NEFM: variants seen among roughly 807,000 people sequenced by gnomAD.
NEFM encodes neurofilament medium chain.
A neutral mutation model predicts 48.1 loss-of-function variants in NEFM; 16 were observed. That is an observed-to-expected ratio of 0.33 (90% CI 0.23 to 0.51). The LOEUF (loss-of-function observed/expected upper bound fraction) is 0.51. Ranked by LOEUF, NEFM falls within the 20% of genes least tolerant of loss-of-function variation. The probability of loss-of-function intolerance (pLI) is 0.98; values close to 1 mark genes in which losing one functional copy is unlikely to be tolerated. For synonymous variants in NEFM, 465 were observed against 456.9 expected (o/e 1.02, Z -0.23); for missense variants, 1,107 against 1,136.0 (o/e 0.97, Z 0.37).
chr8:24,914,614 G>T lies in NEFM; in HGVS notation c.821G>T (p.Arg274Leu). The T allele has an allele frequency of 6.2e-7, 1 of 1,614,166 alleles. No homozygotes were observed. The highest frequency in any genetic ancestry group is 8.5e-7 in the Non-Finnish European group (1 of 1,180,038). ...TDISTALKEI[R>L]SQLESHSDQN... Reference sequence around the variant, plus strand: ...ATCTCGACGGCGCTGAAGGAAATCCGCTCCCAGCTCGAAAGCCACTCAGAC... The same window carrying T: ...ATCTCGACGGCGCTGAAGGAAATCCTCTCCCAGCTCGAAAGCCACTCAGAC... The change falls in exon 1 of 3, where the codon CGC (arginine) becomes CTC (leucine). Residue 274 changes from arginine to leucine, a missense_variant. Physicochemically the swap from Arg to Leu is moderately radical, Grantham distance 102. Coordinates refer to ENST00000221166, the MANE Select transcript of NEFM (RefSeq NM_005382.2).
At position 24,913,852 on chromosome 8, in the gene NEFM, C is replaced by T. The variant is rs1456620271; in HGVS notation, c.59C>T (p.Thr20Ile). The T allele has an allele frequency of 6.2e-7, 1 of 1,607,234 alleles. No individual in the cohort carries two copies. Among genetic ancestry groups the T allele is most frequent in the African/African-American group, 1.3e-5 (1 of 74,972 alleles). Reference sequence around the variant, plus strand: ...TCCGCCTACCGGCGGGTAACCGAGACCCGCTCGAGCTTCAGCCGCGTCAGC... The same window carrying T: ...TCCGCCTACCGGCGGGTAACCGAGATCCGCTCGAGCTTCAGCCGCGTCAGC... ...NPSAYRRVTE[T>I]RSSFSRVSGS... Residue 20 changes from threonine to isoleucine, a missense_variant, in exon 1 of 3, where the codon ACC (threonine) becomes ATC (isoleucine). Around this residue, in one of 3 missense-constraint regions of NEFM, gnomAD observed 186 missense variants for 200.6 expected, o/e 0.93. Transcript: ENST00000221166.
rs1198230167 is a variant in NEFM, at chr8:24,919,003, C to A, written c.*397C>A. On this transcript the variant is annotated 3_prime_UTR_variant, in exon 3 of 3. Transcript: ENST00000221166. ...AAATGGACTTTTGTTCATGGGAGAA[C>A]CTCGTTGACATGCACAGTTTGCAAT... is the stretch of plus-strand genomic sequence containing the variant. The A allele has an allele frequency of 4.0e-6, 1 of 251,738 alleles. No individual in the cohort carries two copies. Among genetic ancestry groups the A allele is most frequent in the Non-Finnish European group, 7.8e-6 (1 of 128,884 alleles). 15.6% of individuals were successfully genotyped at this position (251,738 alleles called of 1,614,324 possible).
Position 24,917,888 on chromosome 8 carries a change from C to A in NEFM, c.2033C>A (p.Ala678Asp). 2 of 1,613,670 alleles carry A rather than the reference C, an allele frequency of 1.2e-6. No homozygotes were observed. Among genetic ancestry groups the A allele is most frequent in the Non-Finnish European group, 1.7e-6 (2 of 1,179,952 alleles). Residue 678 changes from alanine (A) to aspartate (D), a missense_variant, in exon 3 of 3, where the codon GCC becomes GAC. Transcript: ENST00000221166. ...PVSKSPVEEK[A>D]KSPVPKSPVE... ...TCAAAATCACCAGTGGAAGAGAAAGCCAAATCTCCTGTGCCAAAATCACCA... is the reference window on the plus strand; with the variant it reads ...TCAAAATCACCAGTGGAAGAGAAAGACAAATCTCCTGTGCCAAAATCACCA...
chr8:24,918,702 C>T lies in NEFM; in HGVS notation c.*96C>T. 1.1e-6 allele frequency: 1 copy of T among 891,302 alleles called. No homozygotes were observed. Among genetic ancestry groups the T allele is most frequent in the Non-Finnish European group, 1.9e-6 (1 of 535,868 alleles). 55.2% of individuals were successfully genotyped at this position (891,302 alleles called of 1,614,324 possible). A position where few individuals can be genotyped will look rare whatever the true frequency, so the allele number is the denominator to read the frequency against. ...CAGAACGGGTTCTCCCATGGGGGCT[C>T]CAGACATTGTATTTTACTTTGTGCA... On this transcript the variant is annotated 3_prime_UTR_variant, in exon 3 of 3. Transcript: ENST00000221166.
rs1408400228 is a variant in NEFM, at chr8:24,914,755, G to A, written c.962G>A (p.Arg321Gln). ...GCCAAGGAAGAGATCGCCGAGTACC[G>A]GCGCCAGCTGCAGTCCAAGAGCATC... The part of the protein sequence containing the change: ...RSAKEEIAEY[R>Q]RQLQSKSIEL... The change falls in exon 1 of 3, where the codon CGG becomes CAG. Residue 321 changes from arginine (R) to glutamine (Q), a missense_variant. Physicochemically the swap from Arg to Gln is conservative, Grantham distance 43 (BLOSUM62 1). Coordinates refer to ENST00000221166, the MANE Select transcript of NEFM (RefSeq NM_005382.2). The A allele has an allele frequency of 2.5e-6, 4 of 1,612,348 alleles. No homozygotes were observed. The highest frequency in any genetic ancestry group is 1.1e-5 in the South Asian group (1 of 90,910).
Position 24,918,683 on chromosome 8 carries a change from G to A in NEFM, c.*77G>A, listed in dbSNP as rs1802621192. On this transcript the variant is annotated 3_prime_UTR_variant, in exon 3 of 3. Coordinates refer to ENST00000221166, the MANE Select transcript of NEFM (RefSeq NM_005382.2). ...GTGATTGGCAGCTTCAAAACAGAACGGGTTCTCCCATGGGGGCTCCAGACA... is the reference window on the plus strand; with the variant it reads ...GTGATTGGCAGCTTCAAAACAGAACAGGTTCTCCCATGGGGGCTCCAGACA... 3 of 1,067,234 alleles carry A rather than the reference G, an allele frequency of 2.8e-6. No individual in the cohort carries two copies. Among genetic ancestry groups the A allele is most frequent in the East Asian group, 2.4e-5 (1 of 42,456 alleles). The allele number at this position is 1,067,234 out of a possible 1,614,324, so 66.1% of individuals were successfully genotyped here.
chr8:24,914,219 G>C lies in NEFM; in HGVS notation c.426G>C (p.Ser142=). Residue 142 remains serine (S), a synonymous_variant, in exon 1 of 3, where the codon TCG becomes TCC. Transcript: ENST00000221166. ...EIQALRQKQA[S]HAQLGDAYDQ... is the part of the protein sequence containing the mutation. ...AGGCGCTGCGGCAGAAGCAGGCCTCGCACGCCCAGCTGGGCGACGCGTACG... is the reference window on the plus strand; with the variant it reads ...AGGCGCTGCGGCAGAAGCAGGCCTCCCACGCCCAGCTGGGCGACGCGTACG... The C allele has an allele frequency of 3.1e-6, 5 of 1,610,336 alleles. No individual in the cohort carries two copies. The highest frequency in any genetic ancestry group is 2.2e-5 in the East Asian group (1 of 44,690).
At position 24,914,243 on chromosome 8, in the gene NEFM, C is replaced by G; in HGVS notation, c.450C>G (p.Tyr150Ter). 6.2e-7 allele frequency: 1 copy of G among 1,610,676 alleles called. No individual in the cohort carries two copies. The highest frequency in any genetic ancestry group is 8.5e-7 in the Non-Finnish European group (1 of 1,178,662). The part of the protein sequence containing the change: ...QASHAQLGDA[Y>*]DQEIRELRAT... ...CGCACGCCCAGCTGGGCGACGCGTA[C>G]GACCAGGAGATCCGCGAGCTGCGCG... is the stretch of plus-strand genomic sequence containing the variant. The change falls in exon 1 of 3, where the codon TAC becomes TAG. Residue 150 changes from tyrosine to a stop codon, truncating the protein, a stop_gained. Coordinates refer to ENST00000221166, the MANE Select transcript of NEFM (RefSeq NM_005382.2). LOFTEE classifies it high-confidence loss of function.
intron 2 of NEFM, 58 bp from the exon 3 acceptor site, chr8:24,917,003 G>A: frequency 1.4e-6 from 2 of 1,392,424 alleles, no homozygotes; most frequent in South Asian, 1.2e-5. Flanking sequence ...ATGTAATGAA[G>A]CTCAGAAGGC....
In NEFM at chr8:24,918,412, G is replaced by A. The variant is rs759167285; in HGVS notation, c.2557G>A (p.Val853Met). The change falls in exon 3 of 3, where the codon GTG becomes ATG. Residue 853 changes from valine to methionine, a missense_variant. Coordinates refer to ENST00000221166, the MANE Select transcript of NEFM (RefSeq NM_005382.2). ...GGGTGATAAAAGTGAGGAGAAAGTGGTGGTGACCAAAACGGTAGAAAAAAT... is the reference window on the plus strand; with the variant it reads ...GGGTGATAAAAGTGAGGAGAAAGTGATGGTGACCAAAACGGTAGAAAAAAT... Reference protein sequence around the residue: ...KGGDKSEEKVVVTKTVEKITS... With the variant: ...KGGDKSEEKVMVTKTVEKITS... 3.1e-6 allele frequency: 5 copies of A among 1,614,026 alleles called. No individual in the cohort carries two copies. The highest frequency in any genetic ancestry group is 4.2e-6 in the Non-Finnish European group (5 of 1,180,034).
rs1426349860 is a variant in NEFM at position 24,914,047 on chromosome 8, A to G, written c.254A>G (p.Asn85Ser). The G allele has an allele frequency of 3.1e-6, 5 of 1,612,792 alleles. No homozygotes were observed. In the East Asian group the frequency reaches 8.9e-5, roughly 29 times the overall value. Residue 85 changes from asparagine (N) to serine (S), a missense_variant, in exon 1 of 3, where the codon AAC (asparagine) becomes AGC (serine). Transcript: ENST00000221166. Reference sequence around the variant, plus strand: ...TTCAGCCAGTCCTCGTCCCTGCTCAACGGCGGCTCCGGACCCGGCGGCGAC... The same window carrying G: ...TTCAGCCAGTCCTCGTCCCTGCTCAGCGGCGGCTCCGGACCCGGCGGCGAC... The part of the protein sequence containing the change: ...LDFSQSSSLL[N>S]GGSGPGGDYK...
chr8:24,914,161 A>T lies in NEFM; in HGVS notation c.368A>T (p.Glu123Val). 6.2e-7 allele frequency: 1 copy of T among 1,612,862 alleles called. No individual in the cohort carries two copies. Among genetic ancestry groups the T allele is most frequent in the South Asian group, 1.1e-5 (1 of 91,000 alleles). The change falls in exon 1 of 3, where the codon GAG (glutamate) becomes GTG (valine). Residue 123 changes from glutamate to valine, a missense_variant. This residue lies in a region of NEFM where 186 missense variants were observed against 200.6 expected (regional missense o/e 0.93). Transcript: ENST00000221166. ...TACATAGAGAAGGTGCACTACCTGGAGCAGCAGAATAAGGAGATTGAGGCG... is the reference window on the plus strand; with the variant it reads ...TACATAGAGAAGGTGCACTACCTGGTGCAGCAGAATAAGGAGATTGAGGCG... ...AGYIEKVHYL[E>V]QQNKEIEAEI...
chr8:24,916,133 G>C (rs1802569163), intron 2 of NEFM, among the ~76,000 whole-genome samples: 1 of 152,094 alleles, frequency 6.6e-6, no homozygotes, highest in South Asian at 2.1e-4. Flanking sequence ...CTATTTCTCT[G>C]TTTCTCTGTT....
chr8:24,917,244 G>T lies in NEFM; in HGVS notation c.1389G>T (p.Glu463Asp). The change falls in exon 3 of 3, where the codon GAG (glutamate) becomes GAT (aspartate). Residue 463 changes from glutamate to aspartate, a missense_variant. By Grantham distance (45) the Glu-to-Asp change is conservative. Around this residue, in one of 3 missense-constraint regions of NEFM, gnomAD observed 917 missense variants for 916.4 expected, o/e 1.00. Coordinates refer to ENST00000221166, the MANE Select transcript of NEFM (RefSeq NM_005382.2). ...AGATCATAGAGGAAACCAAAGTGGA[G>T]GATGAGAAGTCAGAAATGGAAGAGG... ...VEEIIEETKV[E>D]DEKSEMEEAL... 6.2e-7 allele frequency: 1 copy of T among 1,614,140 alleles called. No homozygotes were observed. The highest frequency in any genetic ancestry group is 8.5e-7 in the Non-Finnish European group (1 of 1,180,038).
Position 24,913,780 on chromosome 8 carries a change from C to A in NEFM, c.-14C>A. 1 of 1,601,532 alleles carries A rather than the reference C, an allele frequency of 6.2e-7. No individual in the cohort carries two copies. Among genetic ancestry groups the A allele is most frequent in the Non-Finnish European group, 8.5e-7 (1 of 1,174,896 alleles). On this transcript the variant is annotated 5_prime_UTR_variant, in exon 1 of 3. Coordinates refer to ENST00000221166, the MANE Select transcript of NEFM (RefSeq NM_005382.2). ...CAGAACGCTGTGACAGCCACACGCC[C>A]CAAGGCCTCCAAGATGAGCTACACG...
chr8:24,915,145 G>C (rs28558778), intron 1 of NEFM: 203,063 of 1,340,586 alleles, frequency 0.15, 17,677 homozygotes, highest in East Asian at 0.41. Context: ...ACGCTTGCAC[G>C]TTTAAAGCAG....
At position 24,913,976 on chromosome 8, in the gene NEFM, C is replaced by T; in HGVS notation, c.183C>T (p.Leu61=). ...SYKRSMLAPR[L]AYSSAMLSSA... ...AGCGCAGCATGCTCGCCCCGCGCCT[C>T]GCTTACAGCTCGGCCATGCTCAGCT... The change falls in exon 1 of 3, where the codon CTC becomes CTT. Residue 61 remains leucine (L), a synonymous_variant. Transcript: ENST00000221166. The T allele has an allele frequency of 6.2e-7, 1 of 1,610,114 alleles. No homozygotes were observed. The highest frequency in any genetic ancestry group is 8.5e-7 in the Non-Finnish European group (1 of 1,179,204).
chr8:24,917,559 A>G lies in NEFM; in HGVS notation c.1704A>G (p.Glu568=). 5.7e-6 allele frequency: 9 copies of G among 1,574,628 alleles called. No individual in the cohort carries two copies. The highest frequency in any genetic ancestry group is 7.8e-6 in the Non-Finnish European group (9 of 1,159,766). ...AAAAAGAGGAAGGTGAGCAGGAAGAAGGAGAAACAGAAGCTGAAGCTGAAG... is the reference window on the plus strand; with the variant it reads ...AAAAAGAGGAAGGTGAGCAGGAAGAGGGAGAAACAGAAGCTGAAGCTGAAG... ...SSEKEEGEQE[E]GETEAEAEGE... The change falls in exon 3 of 3, where the codon GAA becomes GAG. Residue 568 remains glutamate, a synonymous_variant. Coordinates refer to ENST00000221166, the MANE Select transcript of NEFM (RefSeq NM_005382.2).
chr8:24,913,909 C>G lies in NEFM; in HGVS notation c.116C>G (p.Ser39Trp), dbSNP rs1365448844. 1.9e-6 allele frequency: 3 copies of G among 1,610,934 alleles called. No individual in the cohort carries two copies. The highest frequency in any genetic ancestry group is 1.3e-5 in the African/African-American group (1 of 74,924). Residue 39 changes from serine to tryptophan, a missense_variant, in exon 1 of 3, where the codon TCG becomes TGG. This residue lies in a region of NEFM where 186 missense variants were observed against 200.6 expected (regional missense o/e 0.93). Coordinates refer to ENST00000221166, the MANE Select transcript of NEFM (RefSeq NM_005382.2). ...GSPSSGFRSQ[S>W]WSRGSPSTVS... ...CCGTCCAGTGGCTTCCGCTCGCAGTCGTGGTCCCGCGGCTCGCCCAGCACC... is the reference window on the plus strand; with the variant it reads ...CCGTCCAGTGGCTTCCGCTCGCAGTGGTGGTCCCGCGGCTCGCCCAGCACC...
Sources: allele counts gnomAD v4.1 joint callset (sites outside exome capture counted in the v4.1 genomes callset), GRCh38; gene constraint gnomAD v4.1.1; regional missense constraint gnomAD v4.1.1; transcripts MANE v1.5; gene names NCBI Gene and HGNC (gene_info 2026-07-23, HGNC 2026-07-21).